Variants in STK3 observed in about 807,000 individuals in gnomAD.
The protein encoded by STK3 is serine/threonine kinase 3, also known as serine/threonine-protein kinase 3.
Under a neutral mutation model 58.0 loss-of-function variants are expected in STK3, and 41 were observed. That is an observed-to-expected ratio of 0.71 (90% CI 0.55 to 0.92). The LOEUF is 0.92. Ranked by LOEUF, STK3 falls within the 40% of genes least tolerant of loss-of-function variation. The pLI is 0.00. For missense variants in STK3, 479 were observed against 602.7 expected (o/e 0.79, Z 2.15); for synonymous variants, 170 against 191.0 (o/e 0.89, Z 0.91).
At chr8:98,653,515 A>G (rs1016978357) in intron 6 of STK3, among the ~76,000 whole-genome samples, 3 of 152,330 alleles carry the variant, frequency 2.0e-5, no homozygotes, top group African/African-American at 7.2e-5. Flanking sequence ...AGACACAAAA[A>G]ACCCTTCAAA....
intron 2 of STK3, among the ~76,000 whole-genome samples, chr8:98,375,275 A>AAAC (rs1482103973): frequency 8.4e-5 from 12 of 143,104 alleles, no homozygotes; most frequent in Non-Finnish European, 1.6e-4. Context: ...AAAAAACAAA[A>AAAC]AAAAACAAAA....
At chr8:98,909,846 T>G (rs1305341953) in intron 1 of STK3, among the ~76,000 whole-genome samples, 1 of 152,244 alleles carries the variant, frequency 6.6e-6, no homozygotes, top group South Asian at 2.1e-4. Context: ...TGTGGACATA[T>G]GTTTTCATTT....
At chr8:98,511,128 T>A (rs892734115) in intron 10 of STK3, among the ~76,000 whole-genome samples, 1 of 152,078 alleles carries the variant, frequency 6.6e-6, no homozygotes, top group African/African-American at 2.4e-5. Flanking sequence ...GTATACCTTA[T>A]TAATATTTTC....
chr8:98,724,585 A>G (rs1563932187), intron 4 of STK3, among the ~76,000 whole-genome samples: 1 of 152,238 alleles, frequency 6.6e-6, no homozygotes, highest in Non-Finnish European at 1.5e-5. Context: ...TTTTAGGAAG[A>G]AAACTCTGAC....
chr8:98,371,912 G>T (rs1459986290), intron 2 of STK3, among the ~76,000 whole-genome samples: 1 of 152,168 alleles, frequency 6.6e-6, no homozygotes, highest in Non-Finnish European at 1.5e-5. Context: ...AGTGGAAAGT[G>T]ACCTTATTTG....
At chr8:98,541,731 A>G (rs140383212) in intron 9 of STK3, among the ~76,000 whole-genome samples, 31 of 152,350 alleles carry the variant, frequency 2.0e-4, no homozygotes, top group African/African-American at 7.2e-4. Context: ...GTATCATGAA[A>G]GACCTTGTCA....
At chr8:98,352,841 C>T in the STK3 span, among the ~76,000 whole-genome samples, 347 of 152,208 alleles carry the variant, frequency 2.3e-3, no homozygotes, top group African/African-American at 8.0e-3. Context: ...TGAAGTCTAC[C>T]TTTGTTGTTA....
chr8:98,753,729 G>T (rs772933109), intron 3 of STK3, among the ~76,000 whole-genome samples: 1 of 151,738 alleles, frequency 6.6e-6, no homozygotes, highest in Non-Finnish European at 1.5e-5. Context: ...TAAAAACAAA[G>T]GCAATAAATA....
At chr8:98,782,137 GC>G in intron 1 of STK3, 1 of 232,802 alleles carries the variant, frequency 4.3e-6, no homozygotes, top group Non-Finnish European at 8.7e-6. Flanking sequence ...AATGAAATTG[GC>G]CATGCCAACT....
At chr8:98,788,815 G>A (rs975217926) in intron 1 of STK3, among the ~76,000 whole-genome samples, 1 of 152,062 alleles carries the variant, frequency 6.6e-6, no homozygotes, top group Non-Finnish European at 1.5e-5. Context: ...ATAATAGTGG[G>A]GGACATCAAC....
chr8:98,713,456 T>A (rs182598723), intron 4 of STK3, among the ~76,000 whole-genome samples: 1 of 152,110 alleles, frequency 6.6e-6, no homozygotes, highest in African/African-American at 2.4e-5. Flanking sequence ...TCACCACCGA[T>A]CCCATAGAAA....
rs550439396 is a variant in STK3 at position 98,700,033 on chromosome 8, C to T, written c.684+6434G>A. ...TGGGCTCTACCCAGTTGGAGCTTCC[C>T]GGCTGCTTTGTTTACCTAAGCAAGC... On this transcript the variant is annotated intron_variant, in intron 6 of 10. Coordinates refer to ENST00000419617, the MANE Select transcript of STK3 (RefSeq NM_006281.4). Among the ~76,000 whole-genome samples, 1,385 of 152,338 alleles carry T rather than the reference C, an allele frequency of 9.1e-3. 19 individuals are homozygous for T. The highest frequency in any genetic ancestry group is 0.013 in the Non-Finnish European group (877 of 68,028).
intron 6 of STK3, among the ~76,000 whole-genome samples, chr8:98,652,534 G>A (rs888220555): frequency 2.0e-5 from 3 of 147,752 alleles, no homozygotes; most frequent in African/African-American, 5.0e-5. Context: ...GACACAGACT[G>A]GCAAATTGGA....
At chr8:98,424,196 G>A (rs756743853) in intron 3 of STK3, among the ~76,000 whole-genome samples, 23 of 152,254 alleles carry the variant, frequency 1.5e-4, no homozygotes, top group Non-Finnish European at 2.2e-4. Flanking sequence ...CAGAGCTTCT[G>A]TCTCAGCCTT....
At chr8:98,464,971 G>A (rs933973608) in intron 10 of STK3, among the ~76,000 whole-genome samples, 2 of 152,112 alleles carry the variant, frequency 1.3e-5, no homozygotes, top group African/African-American at 4.8e-5. Context: ...GAATCATTCT[G>A]TTTTGGCTGT....
At chr8:98,520,045 G>C (rs575124801) in intron 10 of STK3, among the ~76,000 whole-genome samples, 91 of 152,094 alleles carry the variant, frequency 6.0e-4, no homozygotes, top group African/African-American at 2.2e-3. Context: ...ATATGATACT[G>C]TAATTTCTGC....
intron 1 of STK3, among the ~76,000 whole-genome samples, chr8:98,936,136 T>C (rs964509273): frequency 1.3e-5 from 2 of 152,122 alleles, no homozygotes; most frequent in African/African-American, 4.8e-5. Flanking sequence ...GCCAGGATGG[T>C]CTCGATCTCC....
chr8:98,672,275 TA>T (rs1264423018), intron 6 of STK3, among the ~76,000 whole-genome samples: 1 of 142,032 alleles, frequency 7.0e-6, no homozygotes, highest in South Asian at 2.2e-4. Flanking sequence ...GTTAGGGGGT[TA>T]GGGGGTGTGA....
At chr8:98,405,876 C>A (rs543041289) in intron 3 of STK3, among the ~76,000 whole-genome samples, 1 of 152,132 alleles carries the variant, frequency 6.6e-6, no homozygotes, top group East Asian at 1.9e-4. Flanking sequence ...TTCACTCTCA[C>A]GGGAACAGCA....
Sources: allele counts gnomAD v4.1 joint callset (sites outside exome capture counted in the v4.1 genomes callset), GRCh38; gene constraint gnomAD v4.1.1; transcripts MANE v1.5; gene names NCBI Gene and HGNC (gene_info 2026-07-23, HGNC 2026-07-21).